CDC27: variants seen among roughly 807,000 people sequenced by gnomAD.
The protein encoded by CDC27 is cell division cycle 27, also known as cell division cycle protein 27 homolog.
Under a neutral mutation model 109.7 loss-of-function variants are expected in CDC27, and 27 were observed. That is an observed-to-expected ratio of 0.25 (90% confidence interval 0.18 to 0.34). The LOEUF (loss-of-function observed/expected upper bound fraction) is 0.34, where lower values mean the gene tolerates loss of function less well. Ranked by LOEUF, CDC27 falls within the 10% of genes least tolerant of loss-of-function variation. CDC27 has a pLI of 1.00. For missense variants in CDC27, 579 were observed against 960.2 expected (o/e 0.60, Z 5.25); for synonymous variants, 266 against 333.9 (o/e 0.80, Z 2.22).
chr17:47,173,842 T>C (rs202020147), intron 2 of CDC27, among the ~76,000 whole-genome samples: 4 of 152,218 alleles, frequency 2.6e-5, no homozygotes, highest in African/African-American at 4.8e-5. Flanking sequence ...CCTGTAATCC[T>C]AGCACTTTGG....
Position 47,189,214 on chromosome 17 carries a change from C to T in CDC27, c.-42G>A. 1.3e-6 allele frequency: 2 copies of T among 1,559,932 alleles called. No homozygotes were observed. The highest frequency in any genetic ancestry group is 1.4e-5 in the African/African-American group (1 of 74,042). ...CACTTTCTGCAGTGCCTCAGGCCCC[C>T]CCTGTAGCGGCTCCGGCCCGGCCAG... On this transcript the variant is annotated 5_prime_UTR_variant, in exon 1 of 19. Coordinates refer to ENST00000066544, the MANE Select transcript of CDC27 (RefSeq NM_001256.6).
intron 2 of CDC27, 175 bp downstream of exon 2, chr17:47,181,387 T>G: frequency 2.6e-6 from 1 of 386,440 alleles, no homozygotes; most frequent in Non-Finnish European, 4.7e-6. Flanking sequence ...ACATAGTTAT[T>G]AAAAGTAGTA....
At chr17:47,149,206 C>T (rs1009742558) in intron 9 of CDC27, among the ~76,000 whole-genome samples, 2 of 151,302 alleles carry the variant, frequency 1.3e-5, no homozygotes, top group African/African-American at 2.4e-5. Context: ...CCAGCTGACT[C>T]GTACTATAAG....
At chr17:47,171,847 G>C (rs1598569256) in intron 3 of CDC27, 70 bp downstream of exon 3, 1 of 1,045,000 alleles carries the variant, frequency 9.6e-7, no homozygotes, top group East Asian at 2.6e-5. Flanking sequence ...AGTTTAATCT[G>C]AAAGGAATTT....
chr17:47,169,990 T>C lies in CDC27; in HGVS notation c.304A>G (p.Ser102Gly). The change falls in exon 4 of 19, where the codon AGC (serine) becomes GGC (glycine). Residue 102 changes from serine (S) to glycine (G), a missense_variant. Physicochemically the swap from Ser to Gly is moderately conservative, Grantham distance 56 (BLOSUM62 0). This residue lies in a region of CDC27 where 52 missense variants were observed against 63.4 expected (regional missense o/e 0.82). Coordinates refer to ENST00000066544, the MANE Select transcript of CDC27 (RefSeq NM_001256.6). ...LSGGVFNKQKSHDDIVTEFGD... is the reference protein window; with the variant it reads ...LSGGVFNKQKGHDDIVTEFGD... ...AACTCAGTAACAATATCATCATGGC[T>C]TTTCTGCTTATTAAACACTCCACCA... 2 of 1,593,808 alleles carry C rather than the reference T, an allele frequency of 1.3e-6. No individual in the cohort carries two copies. Among genetic ancestry groups the C allele is most frequent in the Non-Finnish European group, 1.7e-6 (2 of 1,170,512 alleles).
chr17:47,150,456 G>A (rs905809973), intron 9 of CDC27, among the ~76,000 whole-genome samples: 8 of 152,190 alleles, frequency 5.3e-5, no homozygotes, highest in African/African-American at 1.9e-4. Flanking sequence ...ACCATGTGAA[G>A]ACAGAGGAAG....
rs75990396 is a variant in CDC27 at position 47,157,279 on chromosome 17, G to A, written c.581C>T (p.Ser194Phe). Reference protein sequence around the residue: ...CTTQVPNHSLSHRQPETVLTE... With the variant: ...CTTQVPNHSLFHRQPETVLTE... ...AAGAACTGTCTCAGGCTGTCTGTGA[G>A]ATAAACTATGATTAGGTACTTGTGT... is the stretch of plus-strand genomic sequence containing the variant. Residue 194 changes from serine to phenylalanine, a missense_variant, in exon 6 of 19, where the codon TCT becomes TTT. Ser to Phe is a radical substitution (Grantham distance 155). This residue lies in a region of CDC27 where 57 missense variants were observed against 59.0 expected (regional missense o/e 0.97). Coordinates refer to ENST00000066544, the MANE Select transcript of CDC27 (RefSeq NM_001256.6). The A allele has an allele frequency of 1.9e-6, 3 of 1,611,724 alleles. No homozygotes were observed. Among genetic ancestry groups the A allele is most frequent in the Non-Finnish European group, 2.5e-6 (3 of 1,179,202 alleles).
At chr17:47,172,907 A>C (rs575974340) in intron 2 of CDC27, among the ~76,000 whole-genome samples, 1 of 152,324 alleles carries the variant, frequency 6.6e-6, no homozygotes, top group African/African-American at 2.4e-5. Context: ...CAGTGAGCTG[A>C]AGGATCTTCT....
chr17:47,133,052 C>CACACACACACACAT lies in CDC27; in HGVS notation c.1914-679_1914-678insATGTGTGTGTGTGT, dbSNP rs1266681276. The stretch of plus-strand genomic sequence containing the variant: ...ATACACACACACACACACACACACA[C>CACACACACACACAT]ACATACATATACACACACACACACA... On this transcript the variant is annotated intron_variant, in intron 14 of 18. Transcript: ENST00000066544. 2.4e-4 allele frequency among the ~76,000 whole-genome samples: 17 copies of CACACACACACACAT among 70,684 alleles called. 1 individual carries two copies. Among genetic ancestry groups the CACACACACACACAT allele is most frequent in the East Asian group, 2.3e-3 (5 of 2,144 alleles). The allele number at this position is 70,684 out of a possible 152,430, so 46.4% of individuals were successfully genotyped here.
At chr17:47,180,945 T>TCAAA (rs1555560988) in intron 2 of CDC27, among the ~76,000 whole-genome samples, 143 of 111,668 alleles carry the variant, frequency 1.3e-3, no homozygotes, top group Middle Eastern at 4.6e-3. Flanking sequence ...ACTCTTTTCT[T>TCAAA]AAAAAAAAAA....
chr17:47,161,067 T>C (rs2063483737), intron 4 of CDC27: 1 of 151,930 alleles, frequency 6.6e-6, no homozygotes, highest in Non-Finnish European at 1.5e-5. Flanking sequence ...CTTTCTTTTT[T>C]TTTTTTTTAA....
intron 12 of CDC27, chr17:47,139,650 G>A (rs893232820): frequency 6.6e-6 from 1 of 152,152 alleles, no homozygotes; most frequent in Non-Finnish European, 1.5e-5. Context: ...CCGAGAGGTT[G>A]TGCCAGAAAA....
chr17:47,120,874 G>T lies in CDC27; in HGVS notation c.*61C>A. 1 of 1,200,660 alleles carries T rather than the reference G, an allele frequency of 8.3e-7. No homozygotes were observed. Among genetic ancestry groups the T allele is most frequent in the Non-Finnish European group, 1.2e-6 (1 of 813,156 alleles). 74.4% of individuals were successfully genotyped at this position (1,200,660 alleles called of 1,614,324 possible). On this transcript the variant is annotated 3_prime_UTR_variant, in exon 19 of 19. Transcript: ENST00000066544. ...CAAGAGTAAAGACTCAGTATACAGA[G>T]GGACAAGAAACACGTCAGCACTAGT...
Position 47,185,248 on chromosome 17 carries a change from G to A in CDC27, c.28-3611C>T, listed in dbSNP as rs530447094. On this transcript the variant is annotated intron_variant, in intron 1 of 18. Transcript: ENST00000066544. ...GGCTGGAGTGCAGTGGCGCGATCTC[G>A]GCTCACTGCAAGCTCCACCTCCTGG... 1.3e-4 allele frequency among the ~76,000 whole-genome samples: 19 copies of A among 151,914 alleles called. No homozygotes were observed. In the South Asian group the frequency reaches 3.7e-3, roughly 30 times the overall value.
intron 4 of CDC27, among the ~76,000 whole-genome samples, chr17:47,163,139 G>A (rs576436962): frequency 6.6e-6 from 1 of 152,066 alleles, no homozygotes; most frequent in Non-Finnish European, 1.5e-5. Flanking sequence ...AGTGGTATTG[G>A]GAAGAAATAG....
intron 9 of CDC27, among the ~76,000 whole-genome samples, chr17:47,150,147 A>G (rs1427454700): frequency 6.6e-6 from 1 of 152,200 alleles, no homozygotes; most frequent in Non-Finnish European, 1.5e-5. Context: ...GCTATACATG[A>G]AATTGTCTAT....
chr17:47,145,398 A>T lies in CDC27; in HGVS notation c.1071-1416T>A, dbSNP rs564695716. Among the ~76,000 whole-genome samples, 5 of 152,312 alleles carry T rather than the reference A, an allele frequency of 3.3e-5. No individual in the cohort carries two copies. In the East Asian group the frequency reaches 9.7e-4, roughly 29 times the overall value. ...AGGGCTTCCCTAGAGTCTTCAGTTG[A>T]AAATTGATCAGTGTAGGTGTTTGAG... On this transcript the variant is annotated intron_variant, in intron 9 of 18. Coordinates refer to ENST00000066544, the MANE Select transcript of CDC27 (RefSeq NM_001256.6).
At chr17:47,186,992 C>T (rs189715352) in intron 1 of CDC27, among the ~76,000 whole-genome samples, 30 of 152,176 alleles carry the variant, frequency 2.0e-4, no homozygotes, top group Non-Finnish European at 3.4e-4. Flanking sequence ...CAGCACTATC[C>T]CTGATCATTG....
chr17:47,143,762 A>G (rs2062868855), intron 10 of CDC27, 121 bp downstream of exon 10: 2 of 364,308 alleles, frequency 5.5e-6, no homozygotes, highest in Non-Finnish European at 9.7e-6. Context: ...CTCTAAATTA[A>G]AACATTTTAA....
Sources: allele counts gnomAD v4.1 joint callset (sites outside exome capture counted in the v4.1 genomes callset), GRCh38; gene constraint gnomAD v4.1.1; regional missense constraint gnomAD v4.1.1; transcripts MANE v1.5; gene names NCBI Gene and HGNC (gene_info 2026-07-23, HGNC 2026-07-21).